The following PLEKHG3 variants were observed in gnomAD, a reference collection of about 807,000 sequenced individuals.
PLEKHG3 encodes the protein pleckstrin homology domain-containing family G member 3.
Under a neutral mutation model 94.9 loss-of-function variants are expected in PLEKHG3, and 62 were observed. The ratio of observed to expected loss-of-function variants is 0.65; its 90% CI spans 0.53 to 0.81. PLEKHG3 has a LOEUF of 0.81. PLEKHG3 is among the 30% of genes least tolerant of loss of function. The pLI, the probability that PLEKHG3 is intolerant of heterozygous loss-of-function variation, is 0.00. For missense variants in PLEKHG3, 1,461 were observed against 1,619.3 expected (o/e 0.90, Z 1.68); for synonymous variants, 614 against 654.0 (o/e 0.94, Z 0.93).
At chr14:64,735,512 A>G (rs170683) in intron 12 of PLEKHG3, among the ~76,000 whole-genome samples, 11,888 of 152,310 alleles carry the variant, frequency 0.078, 518 homozygotes, top group Non-Finnish European at 0.088. Context: ...CTGGAGGCTG[A>G]GGTGGGAGGA....
At chr14:64,706,846 C>G (rs1180494514) in intron 1 of PLEKHG3, among the ~76,000 whole-genome samples, 1 of 152,272 alleles carries the variant, frequency 6.6e-6, no homozygotes, top group African/African-American at 2.4e-5. Context: ...CTCCCAGCTC[C>G]CAGAACCTTG....
Position 64,722,978 on chromosome 14 carries a change from G to A in PLEKHG3, c.-39-4615G>A, listed in dbSNP as rs1185137061. On this transcript the variant is annotated intron_variant, in intron 1 of 16. Coordinates refer to ENST00000247226, the MANE Select transcript of PLEKHG3 (RefSeq NM_001308147.2). This position sits in a 1 kb window ranked among gnomAD's most constrained non-coding sequence, Gnocchi z 4.3. ...CACTGAGGCTGTTGTGGGTTATGAG[G>A]GTGTGCCTTTTTTCTTTCCTGTTGG... Among the ~76,000 whole-genome samples, 5 of 152,136 alleles carry A rather than the reference G, an allele frequency of 3.3e-5. No homozygotes were observed. Among genetic ancestry groups the A allele is most frequent in the Non-Finnish European group, 5.9e-5 (4 of 68,034 alleles).
In PLEKHG3 at chr14:64,731,210, GTGGGCC is replaced by G; in HGVS notation, c.849+42_849+47del. 1 of 1,531,442 alleles carries G rather than the reference GTGGGCC, an allele frequency of 6.5e-7. No individual in the cohort carries two copies. Among genetic ancestry groups the G allele is most frequent in the Non-Finnish European group, 9.0e-7 (1 of 1,112,166 alleles). 94.9% of individuals were successfully genotyped at this position (1,531,442 alleles called of 1,614,324 possible). On this transcript the variant is annotated intron_variant, in intron 7 of 16. Transcript: ENST00000247226. The surrounding 1 kb of genome is among the most constrained non-coding windows in gnomAD (Gnocchi z 6.1). ...GACGCTGGGGGAGGGGCAGGGCTGG[GTGGGCC>G]AGGCTTCCGCTGGGAAGAGGGACTG... is the stretch of plus-strand genomic sequence containing the variant.
chr14:64,721,070 T>G lies in PLEKHG3; in HGVS notation c.-39-6523T>G, dbSNP rs2081254923. On this transcript the variant is annotated intron_variant, in intron 1 of 16. Transcript: ENST00000247226. This position sits in a 1 kb window ranked among gnomAD's most constrained non-coding sequence, Gnocchi z 4.3. ...TTGATTTGATCACATCTGCCTTCTA[T>G]GTGTCCCTTTTGCCATATAAGGTGA... 6.6e-6 allele frequency among the ~76,000 whole-genome samples: 1 copy of G among 152,254 alleles called. No homozygotes were observed. The highest frequency in any genetic ancestry group is 1.5e-5 in the Non-Finnish European group (1 of 68,046).
At position 64,732,287 on chromosome 14, in the gene PLEKHG3, C is replaced by T; in HGVS notation, c.1212+106C>T. 8.2e-7 allele frequency: 1 copy of T among 1,226,776 alleles called. No individual in the cohort carries two copies. The highest frequency in any genetic ancestry group is 1.2e-6 in the Non-Finnish European group (1 of 829,684). 76.0% of individuals were successfully genotyped at this position (1,226,776 alleles called of 1,614,324 possible). Reference sequence around the variant, plus strand: ...CCTTCTGGATTTGGGCTCCAGTGGACAGTGAGTGTCAGTACAGCAGATGCC... The same window carrying T: ...CCTTCTGGATTTGGGCTCCAGTGGATAGTGAGTGTCAGTACAGCAGATGCC... On this transcript the variant is annotated intron_variant, in intron 10 of 16. Transcript: ENST00000247226. This position sits in a 1 kb window ranked among gnomAD's most constrained non-coding sequence, Gnocchi z 4.9.
At chr14:64,705,974 A>C (rs1340947264) in intron 1 of PLEKHG3, among the ~76,000 whole-genome samples, 1 of 152,206 alleles carries the variant, frequency 6.6e-6, no homozygotes, top group Admixed American at 6.5e-5. Context: ...AAGATAGGAC[A>C]ACCCATTAGC....
chr14:64,732,554 C>A lies in PLEKHG3; in HGVS notation c.1246+94C>A. On this transcript the variant is annotated intron_variant, in intron 11 of 16. Transcript: ENST00000247226. This position sits in a 1 kb window ranked among gnomAD's most constrained non-coding sequence, Gnocchi z 4.9. Reference sequence around the variant, plus strand: ...GGAAGCTTTACCTGATAATTTTATTCCAGGAGCAGGGAGGGCGGGGGTCTC... The same window carrying A: ...GGAAGCTTTACCTGATAATTTTATTACAGGAGCAGGGAGGGCGGGGGTCTC... The A allele has an allele frequency of 8.5e-7, 1 of 1,183,374 alleles. No individual in the cohort carries two copies. Among genetic ancestry groups the A allele is most frequent in the Non-Finnish European group, 1.3e-6 (1 of 789,506 alleles). 73.3% of individuals were successfully genotyped at this position (1,183,374 alleles called of 1,614,324 possible).
rs773234251 is a variant in PLEKHG3 at position 64,732,120 on chromosome 14, A to T, written c.1151A>T (p.Asn384Ile). 9.3e-6 allele frequency: 15 copies of T among 1,613,926 alleles called. No homozygotes were observed. In the East Asian group the frequency reaches 3.3e-4, roughly 36 times the overall value. ...GCCAAGACAGTGGAGGAGAAACGGA[A>T]CTGGACTCACCACATCAAGAGGCTC... ...IQAKTVEEKRNWTHHIKRLIL... is the reference protein window; with the variant it reads ...IQAKTVEEKRIWTHHIKRLIL... The change falls in exon 10 of 17, where the codon AAC becomes ATC. Residue 384 changes from asparagine to isoleucine, a missense_variant. Transcript: ENST00000247226. The surrounding 1 kb of genome is among the most constrained non-coding windows in gnomAD (Gnocchi z 4.9).
chr14:64,733,096 C>G (rs76782984), intron 12 of PLEKHG3, among the ~76,000 whole-genome samples, 195 bp downstream of exon 12: 2 of 152,078 alleles, frequency 1.3e-5, no homozygotes, highest in East Asian at 3.9e-4. Flanking sequence ...TACCCCTGGG[C>G]CCTCGTTGCC....
Position 64,732,121 on chromosome 14 carries a change from C to T in PLEKHG3, c.1152C>T (p.Asn384=). ...CCAAGACAGTGGAGGAGAAACGGAA[C>T]TGGACTCACCACATCAAGAGGCTCA... ...IQAKTVEEKR[N]WTHHIKRLIL... The change falls in exon 10 of 17, where the codon AAC becomes AAT. Residue 384 remains asparagine (N), a synonymous_variant. Coordinates refer to ENST00000247226, the MANE Select transcript of PLEKHG3 (RefSeq NM_001308147.2). The surrounding 1 kb of genome is among the most constrained non-coding windows in gnomAD (Gnocchi z 4.9). 6.2e-7 allele frequency: 1 copy of T among 1,614,008 alleles called. No homozygotes were observed.
At position 64,716,481 on chromosome 14, in the gene PLEKHG3, AACACACACACACACAACACACACACACAC is replaced by A. The variant is rs2081157479; in HGVS notation, c.-39-11096_-39-11068del. Among the ~76,000 whole-genome samples, 8 of 116,402 alleles carry A rather than the reference AACACACACACACACAACACACACACACAC, an allele frequency of 6.9e-5. No homozygotes were observed. Among genetic ancestry groups the A allele is most frequent in the South Asian group, 5.6e-4 (2 of 3,570 alleles). 76.4% of individuals were successfully genotyped at this position (116,402 alleles called of 152,430 possible). On this transcript the variant is annotated intron_variant, in intron 1 of 16. Coordinates refer to ENST00000247226, the MANE Select transcript of PLEKHG3 (RefSeq NM_001308147.2). The surrounding 1 kb of genome is among the most constrained non-coding windows in gnomAD (Gnocchi z 5.0). ...ACACACACACAACACACACACACACAACACACACACACACAACACACACACACACACACACACACACACACACACACACA... is the reference window on the plus strand; with the variant it reads ...ACACACACACAACACACACACACACAACACACACACACACACACACACACA...
Position 64,741,733 on chromosome 14 carries a change from G to T in PLEKHG3, c.2216G>T (p.Arg739Leu). 6.2e-7 allele frequency: 1 copy of T among 1,613,110 alleles called. No homozygotes were observed. The highest frequency in any genetic ancestry group is 8.5e-7 in the Non-Finnish European group (1 of 1,180,034). Residue 739 changes from arginine to leucine, a missense_variant, in exon 16 of 17, where the codon CGG (arginine) becomes CTG (leucine). Physicochemically the swap from Arg to Leu is moderately radical, Grantham distance 102. This residue lies in a region of PLEKHG3 where 1,201 missense variants were observed against 1,295.5 expected (regional missense o/e 0.93). Transcript: ENST00000247226. ...HHDAGFSVRR[R>L]ESLSYIPKGL... ...GATGCAGGCTTCAGCGTCCGTCGCC[G>T]GGAGAGCCTCTCCTACATCCCCAAA...
In PLEKHG3 at chr14:64,723,902, G is replaced by C. The variant is rs2081307295; in HGVS notation, c.-39-3691G>C. On this transcript the variant is annotated intron_variant, in intron 1 of 16. Transcript: ENST00000247226. The surrounding 1 kb of genome is among the most constrained non-coding windows in gnomAD (Gnocchi z 4.5). ...GGTCATGGCTGGGGCATACTTAAGA[G>C]AACTGGAGACCCGTATGTGGTAGGA... 1 of 152,262 alleles carries C rather than the reference G, an allele frequency of 6.6e-6. No individual in the cohort carries two copies. Among genetic ancestry groups the C allele is most frequent in the Non-Finnish European group, 1.5e-5 (1 of 68,086 alleles). The allele number at this position is 152,262 out of a possible 1,614,324, so 9.4% of individuals were successfully genotyped here. A position where few individuals can be genotyped will look rare whatever the true frequency, so the allele number is the denominator to read the frequency against.
chr14:64,715,884 C>A lies in PLEKHG3; in HGVS notation c.-40+11180C>A. On this transcript the variant is annotated intron_variant, in intron 1 of 16. Coordinates refer to ENST00000247226, the MANE Select transcript of PLEKHG3 (RefSeq NM_001308147.2). This position sits in a 1 kb window ranked among gnomAD's most constrained non-coding sequence, Gnocchi z 4.4. ...AATGAGAGAAATGCAGAAAGTATGACCCACACGCAGAACTGGTTCTGAATA... is the reference window on the plus strand; with the variant it reads ...AATGAGAGAAATGCAGAAAGTATGAACCACACGCAGAACTGGTTCTGAATA... 1 of 360,794 alleles carries A rather than the reference C, an allele frequency of 2.8e-6. No individual in the cohort carries two copies. The highest frequency in any genetic ancestry group is 3.4e-5 in the Admixed American group (1 of 29,380). The allele number at this position is 360,794 out of a possible 1,614,324, so 22.3% of individuals were successfully genotyped here. A position where few individuals can be genotyped will look rare whatever the true frequency, so the allele number is the denominator to read the frequency against.
intron 3 of PLEKHG3, among the ~76,000 whole-genome samples, chr14:64,729,748 C>T (rs1261301027): frequency 6.6e-6 from 1 of 152,076 alleles, no homozygotes; most frequent in Admixed American, 6.5e-5. Flanking sequence ...GGGCAGGGTG[C>T]AGGGAGGACT....
chr14:64,741,249 G>A lies in PLEKHG3; in HGVS notation c.1732G>A (p.Glu578Lys). 3.7e-6 allele frequency: 6 copies of A among 1,614,020 alleles called. No homozygotes were observed. The highest frequency in any genetic ancestry group is 2.2e-5 in the East Asian group (1 of 44,886). ...TGAGGACCTTAAGGCCCTGAGCAGC[G>A]AGGAGGAAGAAGAAATGGGAGGTGC... ...STEDLKALSS[E>K]EEEEMGGAAQ... The change falls in exon 16 of 17, where the codon GAG becomes AAG. Residue 578 changes from glutamate to lysine, a missense_variant. Physicochemically the swap from Glu to Lys is moderately conservative, Grantham distance 56. This residue lies in a region of PLEKHG3 where 1,201 missense variants were observed against 1,295.5 expected (regional missense o/e 0.93). Transcript: ENST00000247226.
Position 64,715,923 on chromosome 14 carries a change from C to A in PLEKHG3, c.-40+11219C>A. The A allele has an allele frequency of 2.4e-6, 1 of 417,688 alleles. No individual in the cohort carries two copies. The highest frequency in any genetic ancestry group is 2.7e-5 in the Admixed American group (1 of 36,932). 25.9% of individuals were successfully genotyped at this position (417,688 alleles called of 1,614,324 possible). A position where few individuals can be genotyped will look rare whatever the true frequency, so the allele number is the denominator to read the frequency against. On this transcript the variant is annotated intron_variant, in intron 1 of 16. Transcript: ENST00000247226. The surrounding 1 kb of genome is among the most constrained non-coding windows in gnomAD (Gnocchi z 4.4). ...TGGTTCTGAATAGAACATTTATTGA[C>A]GAAGTTTTGCAGGAGGCGGCGGGCG...
At chr14:64,706,474 A>T (rs892399460) in intron 1 of PLEKHG3, among the ~76,000 whole-genome samples, 1 of 152,210 alleles carries the variant, frequency 6.6e-6, no homozygotes, top group African/African-American at 2.4e-5. Context: ...GCTCTTCCTC[A>T]TAGGAGCTGT....
At position 64,747,838 on chromosome 14, in the gene PLEKHG3, T is replaced by A. The variant is rs2081872677; in HGVS notation, c.*4135T>A. The A allele has an allele frequency of 7.9e-6, 1 of 126,280 alleles. No homozygotes were observed. The highest frequency in any genetic ancestry group is 8.9e-5 in the Admixed American group (1 of 11,264). 7.8% of individuals were successfully genotyped at this position (126,280 alleles called of 1,614,324 possible). A position where few individuals can be genotyped will look rare whatever the true frequency, so the allele number is the denominator to read the frequency against. On this transcript the variant is annotated 3_prime_UTR_variant, in exon 17 of 17. Transcript: ENST00000247226. ...CCCCCGACCCGCTTGACTGCTCTCT[T>A]GGACCTAACCCTAGTTTGATACTGG... is the stretch of plus-strand genomic sequence containing the variant.
Sources: allele counts gnomAD v4.1 joint callset (sites outside exome capture counted in the v4.1 genomes callset), GRCh38; gene constraint gnomAD v4.1.1; regional missense constraint gnomAD v4.1.1; non-coding constraint Gnocchi (gnomAD v3.1); transcripts MANE v1.5; gene names NCBI Gene and HGNC (gene_info 2026-07-23, HGNC 2026-07-21).